The following LEPR variants were observed in gnomAD, a reference collection of about 807,000 sequenced individuals.
LEPR encodes the protein leptin receptor, also known as OB receptor.
A neutral mutation model predicts 114.7 loss-of-function variants in LEPR; 56 were observed. The observed-to-expected ratio is 0.49, with a 90% CI of 0.39 to 0.61. The LOEUF (loss-of-function observed/expected upper bound fraction) is 0.61. LEPR is among the 20% of genes least tolerant of loss of function. LEPR has a pLI of 0.00. For synonymous variants in LEPR, 443 were observed against 461.4 expected, an observed-to-expected ratio of 0.96 and a Z score of 0.51; for missense variants, 1,202 against 1,352.9, an observed-to-expected ratio of 0.89 and a Z score of 1.75.
Position 65,518,300 on chromosome 1 carries a change from T to C in LEPR, c.-20-47246T>C, listed in dbSNP as rs1289394875. 2.6e-5 allele frequency among the ~76,000 whole-genome samples: 4 copies of C among 152,352 alleles called. No homozygotes were observed. In the East Asian group the frequency reaches 7.7e-4, roughly 29 times the overall value. On this transcript the variant is annotated intron_variant, in intron 2 of 19. Coordinates refer to ENST00000349533, the MANE Select transcript of LEPR (RefSeq NM_002303.6). Reference sequence around the variant, plus strand: ...TGTGTATATTAGAGAAATTCACTCCTGAAGAAAAGAAGCTTGTTTATAGAT... The same window carrying C: ...TGTGTATATTAGAGAAATTCACTCCCGAAGAAAAGAAGCTTGTTTATAGAT...
chr1:65,436,372 C>T (rs887104565), intron 2 of LEPR, among the ~76,000 whole-genome samples: 1 of 152,222 alleles, frequency 6.6e-6, no homozygotes, highest in Non-Finnish European at 1.5e-5. Context: ...AGAAAGTAGT[C>T]TTTAAGGAAT....
chr1:65,445,595 GT>G (rs1332373818), intron 2 of LEPR, among the ~76,000 whole-genome samples: 1 of 150,666 alleles, frequency 6.6e-6, no homozygotes, highest in Non-Finnish European at 1.5e-5. Flanking sequence ...GCCAATACTT[GT>G]TTTTCTGTGG....
intron 5 of LEPR, among the ~76,000 whole-genome samples, chr1:65,582,677 A>G (rs1394692389): frequency 6.6e-6 from 1 of 152,240 alleles, no homozygotes; most frequent in East Asian, 1.9e-4. Context: ...TTTTATTGTG[A>G]ATAAATTCTT....
At chr1:65,474,104 G>A (rs1406282798) in intron 2 of LEPR, among the ~76,000 whole-genome samples, 5 of 152,170 alleles carry the variant, frequency 3.3e-5, no homozygotes, top group East Asian at 1.9e-4. Flanking sequence ...TAACAGCTTC[G>A]TATGTGTGTT....
Position 65,633,319 on chromosome 1 carries a change from T to C in LEPR, c.2674-2872T>C. 1 of 1,437,956 alleles carries C rather than the reference T, an allele frequency of 7.0e-7. No individual in the cohort carries two copies. Among genetic ancestry groups the C allele is most frequent in the South Asian group, 1.6e-5 (1 of 62,978 alleles). The allele number at this position is 1,437,956 out of a possible 1,614,324, so 89.1% of individuals were successfully genotyped here. On this transcript the variant is annotated intron_variant, in intron 19 of 19. Transcript: ENST00000349533. This position sits in a 1 kb window ranked among gnomAD's most constrained non-coding sequence, Gnocchi z 4.1. ...GAGAGTTAACATATGGTGGATTATG[T>C]TGATTTAGAACTTAAAATAGATGTG...
chr1:65,421,433 G>C, intron 1 of LEPR: 3 of 1,536,032 alleles, frequency 2.0e-6, no homozygotes, highest in Non-Finnish European at 2.6e-6. Context: ...GACGGAAAAG[G>C]TTTTTTGCAA....
chr1:65,613,756 T>G (rs1657335946), intron 14 of LEPR, among the ~76,000 whole-genome samples: 1 of 32,716 alleles, frequency 3.1e-5, no homozygotes, highest in Non-Finnish European at 4.7e-5. Context: ...CGAGACTCCG[T>G]CTCAAAAAAA....
intron 2 of LEPR, among the ~76,000 whole-genome samples, chr1:65,535,943 C>T (rs1397987991): frequency 1.3e-5 from 2 of 152,106 alleles, no homozygotes; most frequent in Non-Finnish European, 2.9e-5. Context: ...TTTATAATTT[C>T]CCAATCATAA....
At chr1:65,521,226 C>T (rs1324705511) in intron 2 of LEPR, among the ~76,000 whole-genome samples, 5 of 152,220 alleles carry the variant, frequency 3.3e-5, no homozygotes, top group African/African-American at 1.2e-4. Context: ...AGATTTGCTT[C>T]AGCCTCAAAG....
intron 2 of LEPR, among the ~76,000 whole-genome samples, chr1:65,431,353 C>T (rs1014752542): frequency 6.6e-6 from 1 of 152,178 alleles, no homozygotes; most frequent in African/African-American, 2.4e-5. Context: ...ATCTACTAAG[C>T]TGGAAAGCAG....
intron 2 of LEPR, chr1:65,432,472 C>A (rs1646499322): frequency 1.7e-6 from 1 of 593,700 alleles, no homozygotes; most frequent in Non-Finnish European, 2.1e-6. Flanking sequence ...GTTTGAGAAG[C>A]ATCATCATAG....
At chr1:65,431,488 C>T (rs991268128) in intron 2 of LEPR, among the ~76,000 whole-genome samples, 1 of 152,100 alleles carries the variant, frequency 6.6e-6, no homozygotes, top group African/African-American at 2.4e-5. Flanking sequence ...CTTTCAGTAC[C>T]CAATATTGTA....
At chr1:65,572,587 C>A in intron 5 of LEPR, 138 bp downstream of exon 5, 2 of 934,188 alleles carry the variant, frequency 2.1e-6, no homozygotes, top group Non-Finnish European at 3.1e-6. Flanking sequence ...TAGCATTCTG[C>A]TCTGTTAGGT....
chr1:65,618,685 A>G (rs78754335), intron 16 of LEPR, among the ~76,000 whole-genome samples: 5,476 of 152,042 alleles, frequency 0.036, 224 homozygotes, highest in South Asian at 0.21. Flanking sequence ...AGGGGTTATC[A>G]TATCATATCA....
At chr1:65,493,316 T>C (rs1379244507) in intron 2 of LEPR, among the ~76,000 whole-genome samples, 1 of 152,098 alleles carries the variant, frequency 6.6e-6, no homozygotes, top group African/African-American at 2.4e-5. Context: ...TTCCTACTTG[T>C]TCTCTTAGCA....
In LEPR at chr1:65,435,810, G is replaced by A. The variant is rs982595176; in HGVS notation, c.-21+10432G>A. The stretch of plus-strand genomic sequence containing the variant: ...TGTCTGTAGTAGATAAATATTAGTT[G>A]TGCATTTTAATTTAATTCTCCTTTT... On this transcript the variant is annotated intron_variant, in intron 2 of 19. Coordinates refer to ENST00000349533, the MANE Select transcript of LEPR (RefSeq NM_002303.6). 2.7e-5 allele frequency: 27 copies of A among 982,368 alleles called. No homozygotes were observed. In the African/African-American group the frequency reaches 4.4e-4, roughly 16 times the overall value. 60.9% of individuals were successfully genotyped at this position (982,368 alleles called of 1,614,324 possible).
At chr1:65,599,306 C>T (rs3790423) in intron 8 of LEPR, among the ~76,000 whole-genome samples, 71,023 of 151,748 alleles carry the variant, frequency 0.47, 17,812 homozygotes, top group East Asian at 0.88. Flanking sequence ...AGCTGATGCG[C>T]AAAGTTTTGC....
chr1:65,496,768 T>C (rs1192790232), intron 2 of LEPR, among the ~76,000 whole-genome samples: 1 of 152,096 alleles, frequency 6.6e-6, no homozygotes, highest in Non-Finnish European at 1.5e-5. Flanking sequence ...GGCAACCCAG[T>C]ATGTCTTAAT....
intron 2 of LEPR, among the ~76,000 whole-genome samples, chr1:65,467,686 C>A (rs1342072435): frequency 6.6e-6 from 1 of 152,210 alleles, no homozygotes; most frequent in African/African-American, 2.4e-5. Context: ...CTGCGGTGGG[C>A]TCCACCCAGT....
Sources: gnomAD v4.1 joint callset for allele counts (sites outside exome capture counted in the v4.1 genomes callset) on GRCh38, gnomAD v4.1.1 for gene constraint, Gnocchi (gnomAD v3.1) non-coding constraint, MANE v1.5 for transcripts, NCBI Gene and HGNC (gene_info 2026-07-23, HGNC 2026-07-21) for gene names.